Variants in MAP3K4 observed in about 807,000 individuals in gnomAD.
MAP3K4 encodes mitogen-activated protein kinase kinase kinase 4.
MAP3K4 carries 67 observed loss-of-function variants against 185.6 expected under a neutral mutation model. The observed-to-expected ratio is 0.36, with a 90% CI of 0.30 to 0.44. The LOEUF (loss-of-function observed/expected upper bound fraction) is 0.44. Among genes scored for constraint, MAP3K4 ranks in the 20% least tolerant of loss-of-function variants. The probability of loss-of-function intolerance (pLI) is 1.00; values close to 1 mark genes in which losing one functional copy is unlikely to be tolerated. For synonymous variants in MAP3K4, 702 were observed against 710.4 expected (o/e 0.99, Z 0.19); for missense variants, 1,551 against 1,995.1 (o/e 0.78, Z 4.24).
At chr6:161,104,444 T>C (rs1583239158) in intron 19 of MAP3K4, among the ~76,000 whole-genome samples, 1 of 146,570 alleles carries the variant, frequency 6.8e-6, no homozygotes, top group East Asian at 2.0e-4. Flanking sequence ...GCAGGCACAG[T>C]GGCTCACACC....
intron 24 of MAP3K4, 31 bp downstream of exon 24, chr6:161,111,989 C>CT: frequency 6.2e-7 from 1 of 1,611,230 alleles, no homozygotes; most frequent in Non-Finnish European, 8.5e-7. Context: ...TCTTTGCACT[C>CT]TGACTTCATG....
rs768910934 is a variant in MAP3K4 at position 161,070,629 on chromosome 6, A to G, written c.1729A>G (p.Met577Val). ...ATAGTTTTCTGAATTTCCAGATCCC[A>G]TGTGGGGTTCAGATTATGTGCAGTT... ...PVEFSEFPDPMWGSDYVQLSR... is the reference protein window; with the variant it reads ...PVEFSEFPDPVWGSDYVQLSR... Residue 577 changes from methionine to valine, a missense_variant, in exon 4 of 27, where the codon ATG becomes GTG. Around this residue, in one of 16 missense-constraint regions of MAP3K4, gnomAD observed 86 missense variants for 81.6 expected, o/e 1.05. Transcript: ENST00000392142. This position sits in a 1 kb window ranked among gnomAD's most constrained non-coding sequence, Gnocchi z 4.5. 5 of 1,613,830 alleles carry G rather than the reference A, an allele frequency of 3.1e-6. No homozygotes were observed. The highest frequency in any genetic ancestry group is 2.2e-5 in the East Asian group (1 of 44,870).
intron 1 of MAP3K4, among the ~76,000 whole-genome samples, chr6:161,018,808 C>T (rs1356004178): frequency 6.6e-6 from 1 of 151,930 alleles, no homozygotes; most frequent in African/African-American, 2.4e-5. Context: ...TATAATTAGG[C>T]TCAAGTATTT....
Position 160,996,936 on chromosome 6 carries a change from C to T in MAP3K4, c.152+4853C>T, listed in dbSNP as rs1023773603. 1.3e-5 allele frequency among the ~76,000 whole-genome samples: 2 copies of T among 152,148 alleles called. No homozygotes were observed. Among genetic ancestry groups the T allele is most frequent in the African/African-American group, 2.4e-5 (1 of 41,430 alleles). On this transcript the variant is annotated intron_variant, in intron 1 of 26. Coordinates refer to ENST00000392142, the MANE Select transcript of MAP3K4 (RefSeq NM_005922.4). The surrounding 1 kb of genome is among the most constrained non-coding windows in gnomAD (Gnocchi z 4.5). ...GGGCTTGCATCCCTAGCAGGTGCAC[C>T]CCTGCTTCTGAATGAGAGGCAGTGT...
chr6:161,103,942 C>G lies in MAP3K4; in HGVS notation c.3856+1163C>G, dbSNP rs1263220162. On this transcript the variant is annotated intron_variant, in intron 19 of 26. Coordinates refer to ENST00000392142, the MANE Select transcript of MAP3K4 (RefSeq NM_005922.4). This position sits in a 1 kb window ranked among gnomAD's most constrained non-coding sequence, Gnocchi z 4.6. ...TGAGGGTTCAAGTGGGGGAGTTTTC[C>G]TAGGCTTGAGCCAGGTGACAGGAAG... Among the ~76,000 whole-genome samples, 1 of 152,136 alleles carries G rather than the reference C, an allele frequency of 6.6e-6. No homozygotes were observed. The highest frequency in any genetic ancestry group is 2.4e-5 in the African/African-American group (1 of 41,420).
intron 1 of MAP3K4, among the ~76,000 whole-genome samples, chr6:161,015,093 C>G (rs920094585): frequency 2.0e-5 from 3 of 152,130 alleles, no homozygotes; most frequent in African/African-American, 7.2e-5. Flanking sequence ...ATAGTGCATT[C>G]ATTTATATGG....
At chr6:161,092,945 G>T in intron 13 of MAP3K4, 33 bp from the exon 14 acceptor site, 1 of 1,355,346 alleles carries the variant, frequency 7.4e-7, no homozygotes, top group Non-Finnish European at 1.1e-6. Context: ...TTTCTTGGTT[G>T]TTATGTGATT....
Position 161,110,051 on chromosome 6 carries a change from A to G in MAP3K4, c.4396+137A>G, listed in dbSNP as rs553728899. 2.8e-5 allele frequency: 25 copies of G among 884,844 alleles called. No homozygotes were observed. The Admixed American group carries it at 3.3e-4, about 12-fold the overall frequency. The allele number at this position is 884,844 out of a possible 1,614,324, so 54.8% of individuals were successfully genotyped here. On this transcript the variant is annotated intron_variant, in intron 23 of 26. Transcript: ENST00000392142. This position sits in a 1 kb window ranked among gnomAD's most constrained non-coding sequence, Gnocchi z 4.8. The stretch of plus-strand genomic sequence containing the variant: ...ATACCTTTCATTGAAATACGCCTCT[A>G]TAAGGATCCTGTATTCAGAAACAAG...
intron 1 of MAP3K4, among the ~76,000 whole-genome samples, chr6:161,011,547 A>C (rs1781842482): frequency 6.6e-6 from 1 of 152,166 alleles, no homozygotes; most frequent in Admixed American, 6.5e-5. Context: ...TATCTGAAAA[A>C]GTAGGATGTC....
Position 161,098,100 on chromosome 6 carries a change from G to T in MAP3K4, c.3525-178G>T. 1 of 724,130 alleles carries T rather than the reference G, an allele frequency of 1.4e-6. No individual in the cohort carries two copies. The highest frequency in any genetic ancestry group is 2.2e-6 in the Non-Finnish European group (1 of 448,526). The allele number at this position is 724,130 out of a possible 1,614,324, so 44.9% of individuals were successfully genotyped here. On this transcript the variant is annotated intron_variant, in intron 16 of 26. Coordinates refer to ENST00000392142, the MANE Select transcript of MAP3K4 (RefSeq NM_005922.4). The surrounding 1 kb of genome is among the most constrained non-coding windows in gnomAD (Gnocchi z 4.4). Reference sequence around the variant, plus strand: ...CGATGCTGTCTCAAAAAAAAGAAAAGCTTTGAAGTTAGGTTTTTTCTTTTT... The same window carrying T: ...CGATGCTGTCTCAAAAAAAAGAAAATCTTTGAAGTTAGGTTTTTTCTTTTT...
chr6:161,027,717 T>A (rs1782740373), intron 1 of MAP3K4, among the ~76,000 whole-genome samples: 1 of 152,218 alleles, frequency 6.6e-6, no homozygotes. Flanking sequence ...AAAAATAAAA[T>A]GTAAGGTTTG....
chr6:161,066,028 T>G (rs1784697608), intron 3 of MAP3K4, among the ~76,000 whole-genome samples: 1 of 152,106 alleles, frequency 6.6e-6, no homozygotes, highest in Non-Finnish European at 1.5e-5. Flanking sequence ...AGTTTTGGAT[T>G]TTGGAGCATT....
chr6:161,014,948 A>C (rs1159352673), intron 1 of MAP3K4, among the ~76,000 whole-genome samples: 3 of 152,138 alleles, frequency 2.0e-5, no homozygotes, highest in Non-Finnish European at 4.4e-5. Flanking sequence ...AGTAACTGCT[A>C]ATTTACTTTC....
intron 6 of MAP3K4, 21 bp downstream of exon 6, chr6:161,081,059 G>C: frequency 6.2e-7 from 1 of 1,611,832 alleles, no homozygotes; most frequent in East Asian, 2.2e-5. Flanking sequence ...TTGTGCTTCT[G>C]AACGCGACGC....
chr6:161,057,582 G>A (rs1784300637), intron 3 of MAP3K4, among the ~76,000 whole-genome samples: 1 of 152,166 alleles, frequency 6.6e-6, no homozygotes, highest in African/African-American at 2.4e-5. Flanking sequence ...GGGGACACGA[G>A]CACTGACATT....
intron 1 of MAP3K4, among the ~76,000 whole-genome samples, chr6:161,027,399 T>C (rs540806133): frequency 1.3e-5 from 2 of 152,222 alleles, no homozygotes; most frequent in African/African-American, 2.4e-5. Flanking sequence ...TAACTTGGAA[T>C]GCTTTGCAAA....
rs1777819688 is a variant in MAP3K4 at position 161,101,040 on chromosome 6, T to C, written c.3675-852T>C. 6.6e-6 allele frequency: 1 copy of C among 152,248 alleles called. No individual in the cohort carries two copies. The highest frequency in any genetic ancestry group is 6.5e-5 in the Admixed American group (1 of 15,286). 9.4% of individuals were successfully genotyped at this position (152,248 alleles called of 1,614,324 possible). On this transcript the variant is annotated intron_variant, in intron 17 of 26. Transcript: ENST00000392142. This position sits in a 1 kb window ranked among gnomAD's most constrained non-coding sequence, Gnocchi z 5.1. ...CAATGTATAATAAGAGCATAAATGC[T>C]ACCATACTTCATTATACCATTCACT...
At chr6:161,006,593 C>T (rs1020031654) in intron 1 of MAP3K4, among the ~76,000 whole-genome samples, 7 of 152,110 alleles carry the variant, frequency 4.6e-5, no homozygotes, top group Admixed American at 6.5e-5. Flanking sequence ...ATCAATCCCT[C>T]GTAGATACTG....
intron 2 of MAP3K4, among the ~76,000 whole-genome samples, chr6:161,039,683 T>C (rs1288831752): frequency 6.6e-6 from 1 of 152,140 alleles, no homozygotes; most frequent in East Asian, 1.9e-4. Context: ...GATAAAACAT[T>C]GGTACTAAGA....
Sources: gnomAD v4.1 joint callset for allele counts (sites outside exome capture counted in the v4.1 genomes callset) on GRCh38, gnomAD v4.1.1 for gene constraint, gnomAD v4.1.1 regional missense constraint, Gnocchi (gnomAD v3.1) non-coding constraint, MANE v1.5 for transcripts, NCBI Gene and HGNC (gene_info 2026-07-23, HGNC 2026-07-21) for gene names.